EXOC8: variants seen among roughly 807,000 people sequenced by gnomAD.
EXOC8 encodes exocyst complex component 8.
A neutral mutation model predicts 50.8 loss-of-function variants in EXOC8; 19 were observed. The ratio of observed to expected loss-of-function variants is 0.37; its 90% confidence interval spans 0.26 to 0.55. The LOEUF is 0.55. EXOC8 is among the 20% of genes least tolerant of loss of function. The pLI, the probability that EXOC8 is intolerant of heterozygous loss-of-function variation, is 0.80. For missense variants in EXOC8, 781 were observed against 915.8 expected (o/e 0.85, Z 1.90); for synonymous variants, 384 against 367.9 (o/e 1.04, Z -0.50).
At position 231,335,384 on chromosome 1, in the gene EXOC8, ATTTTT is replaced by A. The variant is rs1686643660; in HGVS notation, c.*179_*183del. 2.1e-6 allele frequency: 1 copy of A among 469,212 alleles called. No homozygotes were observed. The highest frequency in any genetic ancestry group is 3.5e-6 in the Non-Finnish European group (1 of 288,116). The allele number at this position is 469,212 out of a possible 1,614,324, so 29.1% of individuals were successfully genotyped here. The stretch of plus-strand genomic sequence containing the variant: ...TACTATACGTTTTAATAATTCCAGT[ATTTTT>A]GTTACTTGGGCTTAATTTAACTTAT... On this transcript the variant is annotated 3_prime_UTR_variant, in exon 1 of 1. Coordinates refer to ENST00000366645, the MANE Select transcript of EXOC8 (RefSeq NM_175876.5).
Position 231,335,798 on chromosome 1 carries a change from T to C in EXOC8, c.1948A>G (p.Ile650Val). 1.2e-6 allele frequency: 2 copies of C among 1,614,160 alleles called. No individual in the cohort carries two copies. Among genetic ancestry groups the C allele is most frequent in the Non-Finnish European group, 1.7e-6 (2 of 1,180,020 alleles). The change falls in exon 1 of 1, where the codon ATC becomes GTC. Residue 650 changes from isoleucine (I) to valine (V), a missense_variant. Transcript: ENST00000366645. Reference sequence around the variant, plus strand: ...ACATGCTGAACAGCAACCAAAATGATTTCCACCAGGCTCTCCAAAAGTACC... The same window carrying C: ...ACATGCTGAACAGCAACCAAAATGACTTCCACCAGGCTCTCCAAAAGTACC... The part of the protein sequence containing the change: ...HMVLLESLVE[I>V]ILVAVQHVDY...
At position 231,335,221 on chromosome 1, in the gene EXOC8, C is replaced by T. The variant is rs910942828; in HGVS notation, c.*347G>A. 1 of 153,478 alleles carries T rather than the reference C, an allele frequency of 6.5e-6. No homozygotes were observed. Among genetic ancestry groups the T allele is most frequent in the Non-Finnish European group, 1.4e-5 (1 of 70,694 alleles). The allele number at this position is 153,478 out of a possible 1,614,324, so 9.5% of individuals were successfully genotyped here. On this transcript the variant is annotated 3_prime_UTR_variant, in exon 1 of 1. Coordinates refer to ENST00000366645, the MANE Select transcript of EXOC8 (RefSeq NM_175876.5). The stretch of plus-strand genomic sequence containing the variant: ...TGCCACTGCACTCCAGCCTGTGCGA[C>T]GGGGTGAGACCCTGTCTCAAAAAAA...
chr1:231,337,684 C>T lies in EXOC8; in HGVS notation c.62G>A (p.Gly21Asp), dbSNP rs143246597. The T allele has an allele frequency of 2.5e-6, 4 of 1,609,016 alleles. No individual in the cohort carries two copies. Among genetic ancestry groups the T allele is most frequent in the Non-Finnish European group, 3.4e-6 (4 of 1,179,434 alleles). ...CTTCACGTACAGCCGCGCCTCAAAA[C>T]CCCCTGACTCCAGCTGCCGACGCAG... ...SRLRRQLESGGFEARLYVKQL... is the reference protein window; with the variant it reads ...SRLRRQLESGDFEARLYVKQL... The change falls in exon 1 of 1, where the codon GGT becomes GAT. Residue 21 changes from glycine to aspartate, a missense_variant. Coordinates refer to ENST00000366645, the MANE Select transcript of EXOC8 (RefSeq NM_175876.5). This position sits in a 1 kb window ranked among gnomAD's most constrained non-coding sequence, Gnocchi z 5.9.
chr1:231,335,529 C>G lies in EXOC8; in HGVS notation c.*39G>C, dbSNP rs1183462985. 6 of 1,368,858 alleles carry G rather than the reference C, an allele frequency of 4.4e-6. No homozygotes were observed. In the Admixed American group the frequency reaches 1.3e-4, roughly 30 times the overall value. The allele number at this position is 1,368,858 out of a possible 1,614,324, so 84.8% of individuals were successfully genotyped here. On this transcript the variant is annotated 3_prime_UTR_variant, in exon 1 of 1. Transcript: ENST00000366645. ...TATAAATATAAATAATATATAAGCT[C>G]TCTCTCTGCATATATACACATATAA... is the stretch of plus-strand genomic sequence containing the variant.
chr1:231,335,946 G>C lies in EXOC8; in HGVS notation c.1800C>G (p.Asn600Lys), dbSNP rs1361722111. 6.2e-7 allele frequency: 1 copy of C among 1,614,070 alleles called. No individual in the cohort carries two copies. Among genetic ancestry groups the C allele is most frequent in the African/African-American group, 1.3e-5 (1 of 74,918 alleles). The change falls in exon 1 of 1, where the codon AAC (asparagine) becomes AAG (lysine). Residue 600 changes from asparagine to lysine, a missense_variant. Physicochemically the swap from Asn to Lys is moderately conservative, Grantham distance 94 (BLOSUM62 0). Coordinates refer to ENST00000366645, the MANE Select transcript of EXOC8 (RefSeq NM_175876.5). Reference sequence around the variant, plus strand: ...AGTCATCCCCTGTGTACTGCTCAAAGTTACTTACCCCACAACTTTTCATCT... The same window carrying C: ...AGTCATCCCCTGTGTACTGCTCAAACTTACTTACCCCACAACTTTTCATCT... ...KEEMKSCGVSNFEQYTGDDCW... is the reference protein window; with the variant it reads ...KEEMKSCGVSKFEQYTGDDCW...
chr1:231,335,392 T>C lies in EXOC8; in HGVS notation c.*176A>G, dbSNP rs1046015282. The C allele has an allele frequency of 8.0e-6, 4 of 499,450 alleles. No individual in the cohort carries two copies. The highest frequency in any genetic ancestry group is 6.0e-5 in the African/African-American group (3 of 50,206). 30.9% of individuals were successfully genotyped at this position (499,450 alleles called of 1,614,324 possible). A position where few individuals can be genotyped will look rare whatever the true frequency, so the allele number is the denominator to read the frequency against. ...GTTTTAATAATTCCAGTATTTTTGT[T>C]ACTTGGGCTTAATTTAACTTATTTT... On this transcript the variant is annotated 3_prime_UTR_variant, in exon 1 of 1. Coordinates refer to ENST00000366645, the MANE Select transcript of EXOC8 (RefSeq NM_175876.5).
Position 231,335,775 on chromosome 1 carries a change from A to C in EXOC8, c.1971T>G (p.His657Gln). The change falls in exon 1 of 1, where the codon CAT becomes CAG. Residue 657 changes from histidine (H) to glutamine (Q), a missense_variant. Transcript: ENST00000366645. ...LVEIILVAVQ[H>Q]VDYSLRCEQD... ...GCTCACATCGAAGACTATAATCCAC[A>C]TGCTGAACAGCAACCAAAATGATTT... The C allele has an allele frequency of 6.2e-7, 1 of 1,614,204 alleles. No individual in the cohort carries two copies. The highest frequency in any genetic ancestry group is 1.6e-4 in the Middle Eastern group (1 of 6,062).
chr1:231,337,068 G>C lies in EXOC8; in HGVS notation c.678C>G (p.Arg226=). ...CATCTAGGGAATAGAGAGCGTTGTA[G>C]CGATACATCCCACGCCGCTGAGGCA... ...TWLPQRRGMY[R]YNALYSLDGL... is the part of the protein sequence containing the mutation. Residue 226 remains arginine (R), a synonymous_variant, in exon 1 of 1, where the codon CGC becomes CGG. Coordinates refer to ENST00000366645, the MANE Select transcript of EXOC8 (RefSeq NM_175876.5). The surrounding 1 kb of genome is among the most constrained non-coding windows in gnomAD (Gnocchi z 5.9). The C allele has an allele frequency of 1.9e-6, 3 of 1,614,088 alleles. No homozygotes were observed. The highest frequency in any genetic ancestry group is 2.5e-6 in the Non-Finnish European group (3 of 1,180,030).
At position 231,335,230 on chromosome 1, in the gene EXOC8, A is replaced by C. The variant is rs1466560788; in HGVS notation, c.*338T>G. 1 of 157,424 alleles carries C rather than the reference A, an allele frequency of 6.4e-6. No homozygotes were observed. The highest frequency in any genetic ancestry group is 2.4e-5 in the African/African-American group (1 of 41,036). 9.8% of individuals were successfully genotyped at this position (157,424 alleles called of 1,614,324 possible). On this transcript the variant is annotated 3_prime_UTR_variant, in exon 1 of 1. Transcript: ENST00000366645. ...ACTCCAGCCTGTGCGACGGGGTGAGACCCTGTCTCAAAAAAAAAAAAGAAA... is the reference window on the plus strand; with the variant it reads ...ACTCCAGCCTGTGCGACGGGGTGAGCCCCTGTCTCAAAAAAAAAAAAGAAA...
rs1686620141 is a variant in EXOC8, at chr1:231,334,277, A to G, written c.*1291T>C. On this transcript the variant is annotated 3_prime_UTR_variant, in exon 1 of 1. Transcript: ENST00000366645. ...TTTCACTTTGTTACAAAAGGAAACA[A>G]AACCAAATCTCTGCTCAGAGTGGTC... 1 of 152,244 alleles carries G rather than the reference A, an allele frequency of 6.6e-6. No individual in the cohort carries two copies. The highest frequency in any genetic ancestry group is 1.5e-5 in the Non-Finnish European group (1 of 68,042). The allele number at this position is 152,244 out of a possible 1,614,324, so 9.4% of individuals were successfully genotyped here.
At position 231,334,095 on chromosome 1, in the gene EXOC8, T is replaced by C. The variant is rs1417660511; in HGVS notation, c.*1473A>G. ...TGGGAAGCTCACATTTCTTTAGTTA[T>C]TTTGTTTTACTAAACAATTTGAAGT... On this transcript the variant is annotated 3_prime_UTR_variant, in exon 1 of 1. Coordinates refer to ENST00000366645, the MANE Select transcript of EXOC8 (RefSeq NM_175876.5). 6.6e-6 allele frequency: 1 copy of C among 152,238 alleles called. No individual in the cohort carries two copies. The highest frequency in any genetic ancestry group is 2.1e-4 in the South Asian group (1 of 4,836). 9.4% of individuals were successfully genotyped at this position (152,238 alleles called of 1,614,324 possible).
In EXOC8 at chr1:231,333,458, C is replaced by T. The variant is rs985532030; in HGVS notation, c.*2110G>A. 6.6e-6 allele frequency: 1 copy of T among 152,632 alleles called. No individual in the cohort carries two copies. The highest frequency in any genetic ancestry group is 1.5e-5 in the Non-Finnish European group (1 of 68,034). The allele number at this position is 152,632 out of a possible 1,614,324, so 9.5% of individuals were successfully genotyped here. On this transcript the variant is annotated 3_prime_UTR_variant, in exon 1 of 1. Coordinates refer to ENST00000366645, the MANE Select transcript of EXOC8 (RefSeq NM_175876.5). ...GCAACCATTTAAATATCTAACTATA[C>T]ACATTCAAGTTTTTACAACTTCATG...
chr1:231,337,227 C>G lies in EXOC8; in HGVS notation c.519G>C (p.Arg173Ser). The G allele has an allele frequency of 6.2e-7, 1 of 1,613,436 alleles. No homozygotes were observed. Among genetic ancestry groups the G allele is most frequent in the Non-Finnish European group, 8.5e-7 (1 of 1,180,034 alleles). ...TTLLEKVEGC[R>S]HLLETPGQYL... ...ACTGTCCCGGCGTCTCCAGCAGATG[C>G]CTGCAGCCTTCCACCTTCTCAAGCA... Residue 173 changes from arginine (R) to serine (S), a missense_variant, in exon 1 of 1, where the codon AGG (arginine) becomes AGC (serine). Arg to Ser is a moderately radical substitution (Grantham distance 110). This residue lies in a region of EXOC8 where 700 missense variants were observed against 804.1 expected (regional missense o/e 0.87). Coordinates refer to ENST00000366645, the MANE Select transcript of EXOC8 (RefSeq NM_175876.5). This position sits in a 1 kb window ranked among gnomAD's most constrained non-coding sequence, Gnocchi z 5.9.
rs766687589 is a variant in EXOC8, at chr1:231,336,415, C to T, written c.1331G>A (p.Arg444His). The T allele has an allele frequency of 5.0e-6, 8 of 1,614,030 alleles. No individual in the cohort carries two copies. Among genetic ancestry groups the T allele is most frequent in the Non-Finnish European group, 5.9e-6 (7 of 1,180,022 alleles). The change falls in exon 1 of 1, where the codon CGT becomes CAT. Residue 444 changes from arginine to histidine, a missense_variant. Physicochemically the swap from Arg to His is conservative, Grantham distance 29. Around this residue, in one of 3 missense-constraint regions of EXOC8, gnomAD observed 700 missense variants for 804.1 expected, o/e 0.87. Transcript: ENST00000366645. The surrounding 1 kb of genome is among the most constrained non-coding windows in gnomAD (Gnocchi z 5.4). ...AGTGGCACCTTCGATGCGAAGCTGA[C>T]GAATTGCAGTATGAACAGCGGCTGC... is the stretch of plus-strand genomic sequence containing the variant. ...NRAAAVHTAI[R>H]QLRIEGATLL...
chr1:231,337,553 G>A lies in EXOC8; in HGVS notation c.193C>T (p.Gln65Ter). 6.2e-7 allele frequency: 1 copy of A among 1,613,152 alleles called. No homozygotes were observed. The highest frequency in any genetic ancestry group is 8.5e-7 in the Non-Finnish European group (1 of 1,179,948). The change falls in exon 1 of 1, where the codon CAG becomes TAG. Residue 65 changes from glutamine to a stop codon, truncating the protein, a stop_gained. Transcript: ENST00000366645. LOFTEE classifies it high-confidence loss of function. This position sits in a 1 kb window ranked among gnomAD's most constrained non-coding sequence, Gnocchi z 5.9. ...GTCTCTATGAACTGCCGGTAGTTCT[G>A]GTAGACGTTGCGCTTCAGGTTCTGC... Reference protein sequence around the residue: ...TAQNLKRNVYQNYRQFIETAR... With the variant: ...TAQNLKRNVY
In EXOC8 at chr1:231,337,063, T is replaced by C; in HGVS notation, c.683A>G (p.Asn228Ser). 1 of 1,614,030 alleles carries C rather than the reference T, an allele frequency of 6.2e-7. No individual in the cohort carries two copies. The highest frequency in any genetic ancestry group is 8.5e-7 in the Non-Finnish European group (1 of 1,180,028). The change falls in exon 1 of 1, where the codon AAC (asparagine) becomes AGC (serine). Residue 228 changes from asparagine (N) to serine (S), a missense_variant. Physicochemically the swap from Asn to Ser is conservative, Grantham distance 46. Coordinates refer to ENST00000366645, the MANE Select transcript of EXOC8 (RefSeq NM_175876.5). The surrounding 1 kb of genome is among the most constrained non-coding windows in gnomAD (Gnocchi z 5.9). The part of the protein sequence containing the change: ...LPQRRGMYRY[N>S]ALYSLDGLAV... ...CAAACCATCTAGGGAATAGAGAGCG[T>C]TGTAGCGATACATCCCACGCCGCTG...
At position 231,337,758 on chromosome 1, in the gene EXOC8, C is replaced by A; in HGVS notation, c.-13G>T. On this transcript the variant is annotated 5_prime_UTR_variant, in exon 1 of 1. Transcript: ENST00000366645. This position sits in a 1 kb window ranked among gnomAD's most constrained non-coding sequence, Gnocchi z 5.9. ...TCGCCATCGCCATTTCTCTCCGGGT[C>A]TCACGCACTCACTGTCACTATCGGC... 6.3e-7 allele frequency: 1 copy of A among 1,580,830 alleles called. No homozygotes were observed. Among genetic ancestry groups the A allele is most frequent in the Non-Finnish European group, 8.6e-7 (1 of 1,164,122 alleles).
Position 231,332,787 on chromosome 1 carries a change from T to C in EXOC8, c.*2781A>G, listed in dbSNP as rs1329464120. Reference sequence around the variant, plus strand: ...AGACAATTTTTAAGCTTTATTTTTATGAAACATTTCAGATTCCCTCATATC... The same window carrying C: ...AGACAATTTTTAAGCTTTATTTTTACGAAACATTTCAGATTCCCTCATATC... On this transcript the variant is annotated 3_prime_UTR_variant, in exon 1 of 1. Transcript: ENST00000366645. 2 of 152,236 alleles carry C rather than the reference T, an allele frequency of 1.3e-5. No individual in the cohort carries two copies. The highest frequency in any genetic ancestry group is 4.8e-5 in the African/African-American group (2 of 41,462). 9.4% of individuals were successfully genotyped at this position (152,236 alleles called of 1,614,324 possible).
Position 231,337,378 on chromosome 1 carries a change from C to G in EXOC8, c.368G>C (p.Gly123Ala). The G allele has an allele frequency of 1.9e-6, 3 of 1,603,312 alleles. No homozygotes were observed. Among genetic ancestry groups the G allele is most frequent in the Non-Finnish European group, 2.5e-6 (3 of 1,179,538 alleles). ...GAAAASGGEEGVGGAGGRDHL... is the reference protein window; with the variant it reads ...GAAAASGGEEAVGGAGGRDHL... ...GTCTCGGCCCCCCGCCCCACCGACTCCCTCCTCCCCTCCAGAGGCGGCGGC... is the reference window on the plus strand; with the variant it reads ...GTCTCGGCCCCCCGCCCCACCGACTGCCTCCTCCCCTCCAGAGGCGGCGGC... Residue 123 changes from glycine to alanine, a missense_variant, in exon 1 of 1, where the codon GGA becomes GCA. Around this residue, in one of 3 missense-constraint regions of EXOC8, gnomAD observed 700 missense variants for 804.1 expected, o/e 0.87. Transcript: ENST00000366645. This position sits in a 1 kb window ranked among gnomAD's most constrained non-coding sequence, Gnocchi z 5.9.
Sources: allele counts gnomAD v4.1 joint callset, GRCh38; gene constraint gnomAD v4.1.1; regional missense constraint gnomAD v4.1.1; non-coding constraint Gnocchi (gnomAD v3.1); transcripts MANE v1.5; gene names NCBI Gene and HGNC (gene_info 2026-07-23, HGNC 2026-07-21).